Variants in ADD1 observed in about 807,000 individuals in gnomAD.
ADD1 encodes the protein alpha-adducin.
Under a neutral mutation model 80.5 loss-of-function variants are expected in ADD1, and 24 were observed. That is an observed-to-expected ratio of 0.30 (90% CI 0.22 to 0.42). ADD1 has a LOEUF of 0.42. Among genes scored for constraint, ADD1 ranks in the 10% least tolerant of loss-of-function variants. The pLI is 1.00. For synonymous variants in ADD1, 373 were observed against 393.8 expected (o/e 0.95, Z 0.63); for missense variants, 948 against 1,019.0 (o/e 0.93, Z 0.95).
intron 1 of ADD1, among the ~76,000 whole-genome samples, chr4:2,865,794 T>G (rs938235226): frequency 1.5e-4 from 23 of 152,188 alleles, no homozygotes; most frequent in Non-Finnish European, 2.8e-4. Flanking sequence ...TTGAAAGATT[T>G]CATCACTTCA....
chr4:2,885,109 G>A (rs936672114), intron 4 of ADD1, among the ~76,000 whole-genome samples: 2 of 152,162 alleles, frequency 1.3e-5, no homozygotes, highest in South Asian at 2.1e-4. Flanking sequence ...ACCAAGCGCT[G>A]TTCTAACTGT....
At chr4:2,893,637 G>GT (rs1734679337) in intron 4 of ADD1, among the ~76,000 whole-genome samples, 1 of 151,918 alleles carries the variant, frequency 6.6e-6, no homozygotes, top group Admixed American at 6.6e-5. Flanking sequence ...AATAATGTAA[G>GT]TTTTGGTTTT....
chr4:2,864,774 C>T (rs1413978759), intron 1 of ADD1, among the ~76,000 whole-genome samples: 1 of 152,126 alleles, frequency 6.6e-6, no homozygotes. Context: ...GGGCTTATTG[C>T]TCTCAGTGAT....
At chr4:2,928,014 G>T (rs899044473) in intron 15 of ADD1, among the ~76,000 whole-genome samples, 157 bp from the exon 16 acceptor site, 1 of 152,088 alleles carries the variant, frequency 6.6e-6, no homozygotes. Flanking sequence ...CCATCCAGCC[G>T]TACAGTAGAG....
intron 4 of ADD1, among the ~76,000 whole-genome samples, chr4:2,889,235 G>C (rs957094401): frequency 6.6e-6 from 1 of 152,172 alleles, no homozygotes; most frequent in Non-Finnish European, 1.5e-5. Context: ...TCAGCGGGGT[G>C]GGGGATGGAC....
intron 1 of ADD1, among the ~76,000 whole-genome samples, chr4:2,862,501 C>G (rs1285082679): frequency 6.6e-6 from 1 of 152,248 alleles, no homozygotes; most frequent in Non-Finnish European, 1.5e-5. Flanking sequence ...CTCCCATTCC[C>G]AAACAAAAGC....
At chr4:2,893,686 T>C (rs979929183) in intron 4 of ADD1, among the ~76,000 whole-genome samples, 4 of 152,178 alleles carry the variant, frequency 2.6e-5, no homozygotes, top group Non-Finnish European at 5.9e-5. Context: ...TTTTTGCCTT[T>C]GACACTAGTA....
At chr4:2,899,681 G>A (rs556711124) in intron 9 of ADD1, 11 of 513,408 alleles carry the variant, frequency 2.1e-5, no homozygotes, top group South Asian at 4.0e-5. Context: ...GTGGGGACAA[G>A]AGCACAGAGA....
chr4:2,927,810 G>GT (rs1712104251), intron 15 of ADD1, among the ~76,000 whole-genome samples: 1 of 152,162 alleles, frequency 6.6e-6, no homozygotes, highest in Admixed American at 6.5e-5. Context: ...TGCCCTTAGG[G>GT]TGACAGGGCA....
Position 2,926,120 on chromosome 4 carries a change from C to G in ADD1, c.2047+8C>G. 4 of 1,612,646 alleles carry G rather than the reference C, an allele frequency of 2.5e-6. No individual in the cohort carries two copies. Among genetic ancestry groups the G allele is most frequent in the Non-Finnish European group, 3.4e-6 (4 of 1,179,220 alleles). On this transcript the variant is annotated splice_region_variant and intron_variant, in intron 15 of 15. Coordinates refer to ENST00000683351, the MANE Select transcript of ADD1 (RefSeq NM_001354761.2). This position sits in a 1 kb window ranked among gnomAD's most constrained non-coding sequence, Gnocchi z 5.0. ...CCATCAAGCTGGAGGAAGGTGAGCT[C>G]TGGGTGGCAGCGGCCGCCACTGTGG...
chr4:2,928,996 T>C lies in ADD1; in HGVS notation c.*473T>C, dbSNP rs1431899512. The C allele has an allele frequency of 6.1e-6, 1 of 164,156 alleles. No individual in the cohort carries two copies. The highest frequency in any genetic ancestry group is 2.4e-5 in the African/African-American group (1 of 41,502). 10.2% of individuals were successfully genotyped at this position (164,156 alleles called of 1,614,324 possible). ...TGCTCAGTGATCTCACTTAAATCTA[T>C]ATACAAAGCCTTGGTCCCGTGAAAA... On this transcript the variant is annotated 3_prime_UTR_variant, in exon 16 of 16. Transcript: ENST00000683351.
chr4:2,866,626 T>G (rs372651056), intron 1 of ADD1, among the ~76,000 whole-genome samples: 1 of 152,188 alleles, frequency 6.6e-6, no homozygotes, highest in African/African-American at 2.4e-5. Flanking sequence ...GGGGAGATGG[T>G]GCTGAACTAC....
chr4:2,894,595 T>C lies in ADD1; in HGVS notation c.605T>C (p.Leu202Pro). 6.2e-7 allele frequency: 1 copy of C among 1,605,596 alleles called. No individual in the cohort carries two copies. The highest frequency in any genetic ancestry group is 8.5e-7 in the Non-Finnish European group (1 of 1,177,146). ...VTASSLVKIN[L>P]QGDIVDRGST... The stretch of plus-strand genomic sequence containing the variant: ...TTTTATTTTCAGGTTAAGATCAATC[T>C]ACAAGGAGATATAGTAGATCGTGGA... The change falls in exon 6 of 16, where the codon CTA becomes CCA. Residue 202 changes from leucine (L) to proline (P), a missense_variant. By Grantham distance (98) the Leu-to-Pro change is moderately conservative. Coordinates refer to ENST00000683351, the MANE Select transcript of ADD1 (RefSeq NM_001354761.2).
chr4:2,904,719 T>C (rs1316373376), intron 9 of ADD1, 45 bp from the exon 10 acceptor site: 1 of 1,532,422 alleles, frequency 6.5e-7, no homozygotes, highest in South Asian at 1.1e-5. Context: ...AACCCTGTTT[T>C]GAGATCTGGA....
intron 14 of ADD1, among the ~76,000 whole-genome samples, chr4:2,919,684 C>T (rs1739667611): frequency 6.6e-6 from 1 of 152,056 alleles, no homozygotes; most frequent in South Asian, 2.1e-4. Context: ...GTGGTGATCT[C>T]CCCTTTATCA....
chr4:2,885,805 T>A (rs570168395), intron 4 of ADD1, among the ~76,000 whole-genome samples: 12 of 151,900 alleles, frequency 7.9e-5, no homozygotes, highest in Non-Finnish European at 1.5e-4. Flanking sequence ...AGAGACGGGG[T>A]TTCACCGTGT....
At chr4:2,852,235 C>CTTTCCTTTCT in intron 1 of ADD1, among the ~76,000 whole-genome samples, 1 of 128,788 alleles carries the variant, frequency 7.8e-6, no homozygotes, top group Non-Finnish European at 1.6e-5. Flanking sequence ...TCTTTCCTTT[C>CTTTCCTTTCT]TTTCTTTCTT....
intron 13 of ADD1, among the ~76,000 whole-genome samples, chr4:2,914,058 CAAA>C (rs775339952): frequency 5.0e-5 from 6 of 120,556 alleles, no homozygotes; most frequent in Admixed American, 2.5e-4. Context: ...GACTCCGTCT[CAAA>C]AAAAAAAAAA....
At chr4:2,908,486 T>C in intron 11 of ADD1, 29 bp from the exon 12 acceptor site, 1 of 1,598,472 alleles carries the variant, frequency 6.3e-7, no homozygotes, top group Non-Finnish European at 8.6e-7. Flanking sequence ...TCAGGACTGT[T>C]GATGTGTGCC....
Sources: gnomAD v4.1 joint callset for allele counts (sites outside exome capture counted in the v4.1 genomes callset) on GRCh38, gnomAD v4.1.1 for gene constraint, Gnocchi (gnomAD v3.1) non-coding constraint, MANE v1.5 for transcripts, NCBI Gene and HGNC (gene_info 2026-07-23, HGNC 2026-07-21) for gene names.